Variants in KCNIP4 observed in about 807,000 individuals in gnomAD.
KCNIP4 encodes potassium voltage-gated channel interacting protein 4.
A neutral mutation model predicts 34.0 loss-of-function variants in KCNIP4; 12 were observed. The observed-to-expected ratio is 0.35, with a 90% CI of 0.23 to 0.57. The LOEUF is 0.57. KCNIP4 is among the 20% of genes least tolerant of loss of function. KCNIP4 has a pLI of 0.83. For synonymous variants in KCNIP4, 124 were observed against 102.2 expected (o/e 1.21, Z -1.29); for missense variants, 238 against 311.7 (o/e 0.76, Z 1.78).
At chr4:21,101,344 TATC>T (rs1747924496) in intron 1 of KCNIP4, among the ~76,000 whole-genome samples, 1 of 152,092 alleles carries the variant, frequency 6.6e-6, no homozygotes, top group South Asian at 2.1e-4. Context: ...TTTATATATA[TATC>T]ATTTCTTTAT....
intron 1 of KCNIP4, among the ~76,000 whole-genome samples, chr4:21,733,620 C>T (rs939430821): frequency 2.0e-5 from 3 of 152,086 alleles, no homozygotes; most frequent in Admixed American, 2.0e-4. Context: ...ATAAGAGAAG[C>T]TGTGGAATGA....
intron 1 of KCNIP4, among the ~76,000 whole-genome samples, chr4:21,384,268 C>T (rs187974023): frequency 1.3e-5 from 2 of 152,152 alleles, no homozygotes; most frequent in African/African-American, 2.4e-5. Context: ...ATATTAAGGG[C>T]TTTTTTCTCC....
intron 1 of KCNIP4, among the ~76,000 whole-genome samples, chr4:21,886,174 G>C (rs1299025403): frequency 6.6e-6 from 1 of 152,032 alleles, no homozygotes; most frequent in Admixed American, 6.6e-5. Context: ...AACTTATTAT[G>C]ATTTTCCAGG....
At chr4:20,857,044 TAA>T (rs35194977) in intron 2 of KCNIP4, among the ~76,000 whole-genome samples, 170 of 135,574 alleles carry the variant, frequency 1.3e-3, no homozygotes, top group African/African-American at 1.9e-3. Context: ...CATGCAGTAT[TAA>T]AAAAAAAAAA....
chr4:21,402,034 T>C (rs914324258), intron 1 of KCNIP4, among the ~76,000 whole-genome samples: 1 of 152,246 alleles, frequency 6.6e-6, no homozygotes, highest in Non-Finnish European at 1.5e-5. Flanking sequence ...AGAAATGTCC[T>C]ATTAACTTGA....
At chr4:21,525,822 A>G (rs1735924926) in intron 1 of KCNIP4, among the ~76,000 whole-genome samples, 1 of 152,142 alleles carries the variant, frequency 6.6e-6, no homozygotes, top group African/African-American at 2.4e-5. Flanking sequence ...TTATTGTGAC[A>G]TATTTTAGGA....
At chr4:21,452,367 A>G (rs1728581053) in intron 1 of KCNIP4, among the ~76,000 whole-genome samples, 1 of 151,882 alleles carries the variant, frequency 6.6e-6, no homozygotes, top group African/African-American at 2.4e-5. Flanking sequence ...AGTAAAGGGT[A>G]GAAATTTCTG....
At chr4:21,027,545 A>G (rs1212428764) in intron 1 of KCNIP4, among the ~76,000 whole-genome samples, 1 of 149,462 alleles carries the variant, frequency 6.7e-6, no homozygotes, top group Non-Finnish European at 1.5e-5. Context: ...GATTTATAAT[A>G]TACAGATATA....
intron 1 of KCNIP4, among the ~76,000 whole-genome samples, chr4:21,808,186 A>G (rs538361907): frequency 6.6e-6 from 1 of 152,204 alleles, no homozygotes; most frequent in Non-Finnish European, 1.5e-5. Flanking sequence ...AACATGGAAT[A>G]GGAATCTGCT....
intron 3 of KCNIP4, among the ~76,000 whole-genome samples, chr4:20,763,173 A>T (rs765686171): frequency 6.6e-6 from 1 of 152,196 alleles, no homozygotes; most frequent in African/African-American, 2.4e-5. Context: ...CCAGTTGAAC[A>T]TACCTAACCT....
intron 1 of KCNIP4, among the ~76,000 whole-genome samples, chr4:20,962,018 G>GC (rs889968028): frequency 6.6e-6 from 1 of 152,056 alleles, no homozygotes; most frequent in African/African-American, 2.4e-5. Flanking sequence ...AACCACCCTG[G>GC]CATCACTTGA....
chr4:21,050,239 G>A (rs1742804511), intron 1 of KCNIP4, among the ~76,000 whole-genome samples: 1 of 152,164 alleles, frequency 6.6e-6, no homozygotes, highest in South Asian at 2.1e-4. Context: ...TACTTGGAAT[G>A]CAAAAGGATT....
At chr4:21,180,747 A>G (rs1754781977) in intron 1 of KCNIP4, among the ~76,000 whole-genome samples, 1 of 150,588 alleles carries the variant, frequency 6.6e-6, no homozygotes, top group East Asian at 1.9e-4. Context: ...GTGTATATAT[A>G]TTTGTGTATA....
chr4:21,419,346 AC>A (rs1043653536), intron 1 of KCNIP4, among the ~76,000 whole-genome samples: 18 of 152,092 alleles, frequency 1.2e-4, no homozygotes, highest in Non-Finnish European at 2.6e-4. Flanking sequence ...TGATATATAC[AC>A]CAGGAAAATG....
At chr4:21,845,559 A>C (rs56191003) in intron 1 of KCNIP4, 1 of 151,940 alleles carries the variant, frequency 6.6e-6, no homozygotes, top group Non-Finnish European at 1.5e-5. Context: ...GATTTTTTTA[A>C]GTGTTTACCT....
chr4:21,605,779 G>A lies in KCNIP4; in HGVS notation c.61+342792C>T, dbSNP rs531026251. ...ACAGGCGTGATCCACTGTGCCTGGC[G>A]TACAATGGTTATTTTATTGACTAAA... is the stretch of plus-strand genomic sequence containing the variant. On this transcript the variant is annotated intron_variant, in intron 1 of 8. Coordinates refer to ENST00000382152, the MANE Select transcript of KCNIP4 (RefSeq NM_025221.6). Among the ~76,000 whole-genome samples the A allele has an allele frequency of 4.6e-5, 7 of 152,006 alleles. No homozygotes were observed. The South Asian group carries it at 6.2e-4, about 14-fold the overall frequency.
chr4:21,784,136 T>TG (rs1362692847), intron 1 of KCNIP4, among the ~76,000 whole-genome samples: 1 of 80,300 alleles, frequency 1.2e-5, no homozygotes, highest in South Asian at 4.3e-4. Flanking sequence ...CACAAGGCGG[T>TG]GGGGGGTGGG....
chr4:21,213,436 G>A lies in KCNIP4; in HGVS notation c.62-330727C>T, dbSNP rs1244200757. Among the ~76,000 whole-genome samples, 4 of 151,978 alleles carry A rather than the reference G, an allele frequency of 2.6e-5. No individual in the cohort carries two copies. The South Asian group carries it at 6.2e-4, about 24-fold the overall frequency. On this transcript the variant is annotated intron_variant, in intron 1 of 8. Coordinates refer to ENST00000382152, the MANE Select transcript of KCNIP4 (RefSeq NM_025221.6). ...CCTGCCTCAGCCTTCCAAGTAGCTG[G>A]GATTACAGACGCACACCACCATGCC...
intron 1 of KCNIP4, among the ~76,000 whole-genome samples, chr4:21,577,350 C>A (rs1326085199): frequency 6.6e-6 from 1 of 152,170 alleles, no homozygotes; most frequent in Non-Finnish European, 1.5e-5. Context: ...GCAATTCCAG[C>A]TGCGCACTGT....
Sources: allele counts gnomAD v4.1 joint callset (sites outside exome capture counted in the v4.1 genomes callset), GRCh38; gene constraint gnomAD v4.1.1; transcripts MANE v1.5; gene names NCBI Gene and HGNC (gene_info 2026-07-23, HGNC 2026-07-21).